The following DACH1 variants were observed in gnomAD, a reference collection of about 807,000 sequenced individuals.
DACH1 encodes dachshund homolog 1.
A neutral mutation model predicts 54.2 loss-of-function variants in DACH1; 12 were observed. The observed-to-expected ratio is 0.22, with a 90% confidence interval of 0.14 to 0.36. The LOEUF is 0.36. DACH1 is among the 10% of genes least tolerant of loss of function. The probability of loss-of-function intolerance (pLI) is 1.00; values close to 1 mark genes in which losing one functional copy is unlikely to be tolerated. For synonymous variants in DACH1, 386 were observed against 366.2 expected (o/e 1.05, Z -0.62); for missense variants, 805 against 929.8 (o/e 0.87, Z 1.75).
chr13:71,751,085 C>T (rs1377112008), intron 1 of DACH1, among the ~76,000 whole-genome samples: 1 of 152,182 alleles, frequency 6.6e-6, no homozygotes, highest in Non-Finnish European at 1.5e-5. Flanking sequence ...ACATAATACC[C>T]AGAACCCTTC....
chr13:71,678,361 C>T (rs572850516), intron 2 of DACH1, among the ~76,000 whole-genome samples: 1 of 152,090 alleles, frequency 6.6e-6, no homozygotes, highest in African/African-American at 2.4e-5. Flanking sequence ...ACTCTGTATT[C>T]CCTAAAATCT....
chr13:71,756,720 G>T (rs900979224), intron 1 of DACH1, among the ~76,000 whole-genome samples: 2 of 151,934 alleles, frequency 1.3e-5, no homozygotes, highest in Non-Finnish European at 2.9e-5. Context: ...CTTTAGAGTA[G>T]AAATATAAAT....
intron 4 of DACH1, among the ~76,000 whole-genome samples, chr13:71,567,539 T>C (rs779584261): frequency 1.3e-4 from 19 of 151,986 alleles, no homozygotes; most frequent in Non-Finnish European, 2.2e-4. Context: ...TTCTAGAACT[T>C]ACTTTTAAAC....
At chr13:71,771,911 T>C (rs1885873520) in intron 1 of DACH1, among the ~76,000 whole-genome samples, 1 of 151,032 alleles carries the variant, frequency 6.6e-6, no homozygotes, top group South Asian at 2.1e-4. Flanking sequence ...AAAAAGCCAC[T>C]ATAATTAAAA....
chr13:71,477,222 G>A (rs1189768653), intron 8 of DACH1, among the ~76,000 whole-genome samples: 2 of 143,956 alleles, frequency 1.4e-5, no homozygotes, highest in East Asian at 2.3e-4. Context: ...CCAGGTTCAC[G>A]CCATTCTCCT....
chr13:71,657,134 A>G (rs1247566023), intron 2 of DACH1, among the ~76,000 whole-genome samples: 1 of 151,522 alleles, frequency 6.6e-6, no homozygotes, highest in East Asian at 2.0e-4. Context: ...CCTGAGACTT[A>G]GAGTCCTCAT....
chr13:71,656,117 C>CT (rs528482060), intron 2 of DACH1, among the ~76,000 whole-genome samples: 3 of 151,982 alleles, frequency 2.0e-5, no homozygotes, highest in South Asian at 2.1e-4. Flanking sequence ...GGTCTTGCGT[C>CT]TTTTTTTTCC....
chr13:71,504,164 C>A (rs1000248083), intron 6 of DACH1, among the ~76,000 whole-genome samples: 2 of 152,120 alleles, frequency 1.3e-5, no homozygotes, highest in Non-Finnish European at 2.9e-5. Context: ...TACTTACTAG[C>A]TTTTCAATGT....
chr13:71,597,977 G>C (rs1874221511), intron 3 of DACH1, among the ~76,000 whole-genome samples: 1 of 151,666 alleles, frequency 6.6e-6, no homozygotes, highest in Non-Finnish European at 1.5e-5. Flanking sequence ...AAATATGGGA[G>C]GCTGAGGTGG....
At chr13:71,723,460 C>T (rs1304125768) in intron 1 of DACH1, among the ~76,000 whole-genome samples, 1 of 151,812 alleles carries the variant, frequency 6.6e-6, no homozygotes, top group African/African-American at 2.4e-5. Context: ...AACATGGTTC[C>T]CCAAATATTT....
chr13:71,581,326 GC>G (rs1173370500), intron 3 of DACH1, among the ~76,000 whole-genome samples: 1 of 152,106 alleles, frequency 6.6e-6, no homozygotes, highest in Admixed American at 6.6e-5. Context: ...GAGCAGTGGT[GC>G]AATCTCAGCT....
chr13:71,688,540 T>C (rs555027973), intron 1 of DACH1, among the ~76,000 whole-genome samples: 1 of 152,340 alleles, frequency 6.6e-6, no homozygotes, highest in Admixed American at 6.5e-5. Context: ...TTGTTTGGAC[T>C]TTTAGTGTTC....
chr13:71,632,140 A>G (rs1877152337), intron 2 of DACH1, among the ~76,000 whole-genome samples: 1 of 152,058 alleles, frequency 6.6e-6, no homozygotes, highest in African/African-American at 2.4e-5. Flanking sequence ...AAGACAAAAA[A>G]AAAGAAAAGA....
intron 1 of DACH1, among the ~76,000 whole-genome samples, chr13:71,803,181 C>G (rs1887356208): frequency 6.6e-6 from 1 of 152,010 alleles, no homozygotes; most frequent in Non-Finnish European, 1.5e-5. Context: ...CATTTTTGAA[C>G]AAACTAAAAC....
chr13:71,698,475 C>T (rs962153852), intron 1 of DACH1, among the ~76,000 whole-genome samples: 2 of 152,022 alleles, frequency 1.3e-5, no homozygotes, highest in Admixed American at 6.5e-5. Context: ...ATGAATGCTA[C>T]TTAAACCAAC....
chr13:71,827,523 G>A (rs574358370), intron 1 of DACH1, among the ~76,000 whole-genome samples: 4 of 152,146 alleles, frequency 2.6e-5, no homozygotes, highest in African/African-American at 9.6e-5. Flanking sequence ...TTCCATAATA[G>A]CAGAAGCGCC....
At chr13:71,662,007 T>C (rs1182017172) in intron 2 of DACH1, among the ~76,000 whole-genome samples, 1 of 152,072 alleles carries the variant, frequency 6.6e-6, no homozygotes, top group Non-Finnish European at 1.5e-5. Flanking sequence ...GTTAATGTAA[T>C]AACTTCCAGT....
chr13:71,474,153 CA>C (rs66539758), intron 10 of DACH1, among the ~76,000 whole-genome samples: 141,677 of 151,884 alleles, frequency 0.93, 66,874 homozygotes, highest in East Asian at 1. Context: ...TAAATATAGG[CA>C]AAAAAAAATC....
chr13:71,699,340 A>G (rs1881995695), intron 1 of DACH1, among the ~76,000 whole-genome samples: 2 of 152,244 alleles, frequency 1.3e-5, no homozygotes, highest in Non-Finnish European at 2.9e-5. Flanking sequence ...ACTTCCAAGC[A>G]GTCAATTTTA....
Sources: gnomAD v4.1 joint callset for allele counts (sites outside exome capture counted in the v4.1 genomes callset) on GRCh38, gnomAD v4.1.1 for gene constraint, MANE v1.5 for transcripts, NCBI Gene and HGNC (gene_info 2026-07-23, HGNC 2026-07-21) for gene names.